The following ARHGAP20 variants were observed in gnomAD, a reference collection of about 807,000 sequenced individuals.
ARHGAP20 encodes rho GTPase-activating protein 20.
ARHGAP20 carries 34 observed loss-of-function variants against 73.7 expected under a neutral mutation model. That is an observed-to-expected ratio of 0.46 (90% CI 0.35 to 0.61). The LOEUF (loss-of-function observed/expected upper bound fraction) is 0.61, where lower values mean the gene tolerates loss of function less well. Among genes scored for constraint, ARHGAP20 ranks in the 20% least tolerant of loss-of-function variants. The probability of loss-of-function intolerance (pLI) is 0.00; values close to 1 mark genes in which losing one functional copy is unlikely to be tolerated. For missense variants in ARHGAP20, 1,314 were observed against 1,420.9 expected, an observed-to-expected ratio of 0.92 and a Z score of 1.21; for synonymous variants, 523 against 518.2, an observed-to-expected ratio of 1.01 and a Z score of -0.13.
intron 2 of ARHGAP20, among the ~76,000 whole-genome samples, chr11:110,654,711 AG>A (rs1267065145): frequency 6.6e-6 from 1 of 152,194 alleles, no homozygotes; most frequent in Non-Finnish European, 1.5e-5. Context: ...CCAGACTGTG[AG>A]AAGTTTATTG....
At chr11:110,588,558 AC>A (rs1399312666) in intron 11 of ARHGAP20, among the ~76,000 whole-genome samples, 1 of 152,216 alleles carries the variant, frequency 6.6e-6, no homozygotes, top group Non-Finnish European at 1.5e-5. Flanking sequence ...AGGGGGTAAA[AC>A]ATACGATAAA....
At chr11:110,616,995 C>T (rs1398293436) in intron 4 of ARHGAP20, among the ~76,000 whole-genome samples, 1 of 152,036 alleles carries the variant, frequency 6.6e-6, no homozygotes, top group Admixed American at 6.5e-5. Context: ...TTTTAACAAA[C>T]TGAACACAGT....
chr11:110,610,571 T>C (rs1215231964), intron 7 of ARHGAP20, among the ~76,000 whole-genome samples: 1 of 152,140 alleles, frequency 6.6e-6, no homozygotes, highest in Non-Finnish European at 1.5e-5. Flanking sequence ...TGTGTGGTGT[T>C]TATACAACTG....
At chr11:110,672,134 A>C (rs528576419) in intron 2 of ARHGAP20, among the ~76,000 whole-genome samples, 5 of 152,314 alleles carry the variant, frequency 3.3e-5, no homozygotes, top group East Asian at 3.9e-4. Context: ...AAAATCAATA[A>C]GCTTTACAGC....
rs2134760634 is a variant in ARHGAP20, at chr11:110,577,162, C to A, written c.*2208G>T. 6.5e-7 allele frequency: 1 copy of A among 1,533,876 alleles called. No homozygotes were observed. On this transcript the variant is annotated 3_prime_UTR_variant, in exon 15 of 15. Transcript: ENST00000683387. ...AAGTTAGCAGCAGTTTCTGCAAGTA[C>A]AAAAATACACATTTATTACATAACA... is the stretch of plus-strand genomic sequence containing the variant.
At chr11:110,632,855 G>A (rs937337694) in intron 2 of ARHGAP20, among the ~76,000 whole-genome samples, 1 of 152,122 alleles carries the variant, frequency 6.6e-6, no homozygotes, top group Non-Finnish European at 1.5e-5. Flanking sequence ...TTGAGTTGTA[G>A]GAACTTTTTC....
intron 2 of ARHGAP20, among the ~76,000 whole-genome samples, chr11:110,683,978 G>T (rs533560008): frequency 1.3e-5 from 2 of 152,126 alleles, no homozygotes; most frequent in Non-Finnish European, 2.9e-5. Flanking sequence ...TGCCCCTTCC[G>T]TCATGTGAGG....
chr11:110,672,602 A>C (rs1213361495), intron 2 of ARHGAP20, among the ~76,000 whole-genome samples: 1 of 151,868 alleles, frequency 6.6e-6, no homozygotes, highest in Non-Finnish European at 1.5e-5. Context: ...GCACCACCAC[A>C]CTTGGCTAAT....
chr11:110,587,780 T>G (rs1316150779), intron 11 of ARHGAP20, among the ~76,000 whole-genome samples: 1 of 152,172 alleles, frequency 6.6e-6, no homozygotes, highest in African/African-American at 2.4e-5. Flanking sequence ...TTTTAGAATG[T>G]TTAACAAGAA....
Position 110,709,137 on chromosome 11 carries a change from C to T in ARHGAP20, c.105+2990G>A, listed in dbSNP as rs1030057822. 1.6e-4 allele frequency among the ~76,000 whole-genome samples: 25 copies of T among 152,174 alleles called. 1 individual carries two copies. Among genetic ancestry groups the T allele is most frequent in the African/African-American group, 5.5e-4 (23 of 41,444 alleles). On this transcript the variant is annotated intron_variant, in intron 1 of 14. Transcript: ENST00000683387. Reference sequence around the variant, plus strand: ...ACAACACAGCTATGCCCATTCATTTCTTCATTGTCTATGGCTGCTTTAGCA... The same window carrying T: ...ACAACACAGCTATGCCCATTCATTTTTTCATTGTCTATGGCTGCTTTAGCA...
chr11:110,664,727 CAAAAAA>C (rs34643863), intron 2 of ARHGAP20, among the ~76,000 whole-genome samples: 1 of 88,338 alleles, frequency 1.1e-5, no homozygotes, highest in African/African-American at 3.8e-5. Flanking sequence ...GACTCCGTCT[CAAAAAA>C]AAAAAAAAAA....
rs764154014 is a variant in ARHGAP20, at chr11:110,590,825, G to A, written c.1144-16C>T. ...AAAGCATATCCTATGGGGAAGCAAA[G>A]GAAAATAAACAAAATGACACTTCCA... On this transcript the variant is annotated splice_polypyrimidine_tract_variant and intron_variant, in intron 10 of 14. Transcript: ENST00000683387. 2.5e-6 allele frequency: 4 copies of A among 1,606,936 alleles called. No homozygotes were observed. The highest frequency in any genetic ancestry group is 1.7e-6 in the Non-Finnish European group (2 of 1,177,386).
rs761054190 is a variant in ARHGAP20 at position 110,586,279 on chromosome 11, T to C, written c.1352A>G (p.Tyr451Cys). ...IPGSIFSSDL[Y>C]DHWVSVMDQG... ...ATCCATTACAGAGACCCAGTGATCA[T>C]AGAGATCTGATGAAAAAATACTTCC... The change falls in exon 12 of 15, where the codon TAT (tyrosine) becomes TGT (cysteine). Residue 451 changes from tyrosine to cysteine, a missense_variant. Transcript: ENST00000683387. The C allele has an allele frequency of 1.1e-5, 18 of 1,579,660 alleles. No homozygotes were observed. Among genetic ancestry groups the C allele is most frequent in the Non-Finnish European group, 1.4e-5 (16 of 1,162,494 alleles).
chr11:110,624,007 C>G (rs1207002086), intron 4 of ARHGAP20, among the ~76,000 whole-genome samples, 155 bp downstream of exon 4: 1 of 152,138 alleles, frequency 6.6e-6, no homozygotes, highest in Non-Finnish European at 1.5e-5. Context: ...GTGTATGTGT[C>G]AACAGATGAG....
chr11:110,611,258 T>G, intron 7 of ARHGAP20, 51 bp downstream of exon 7: 1 of 1,221,744 alleles, frequency 8.2e-7, no homozygotes, highest in South Asian at 1.4e-5. Flanking sequence ...TACATAAATT[T>G]AAATAATCAA....
intron 4 of ARHGAP20, among the ~76,000 whole-genome samples, chr11:110,622,404 T>C (rs1948648728): frequency 1.3e-5 from 2 of 152,252 alleles, no homozygotes; most frequent in Non-Finnish European, 2.9e-5. Flanking sequence ...AGAGATTCCC[T>C]ACATAGTTCT....
At chr11:110,673,357 CT>C (rs1949866798) in intron 2 of ARHGAP20, among the ~76,000 whole-genome samples, 2 of 152,098 alleles carry the variant, frequency 1.3e-5, no homozygotes, top group South Asian at 4.1e-4. Flanking sequence ...CAATAACATA[CT>C]TTTAAAACAT....
intron 9 of ARHGAP20, among the ~76,000 whole-genome samples, chr11:110,597,676 C>T (rs1948004403): frequency 6.6e-6 from 1 of 152,150 alleles, no homozygotes; most frequent in Non-Finnish European, 1.5e-5. Flanking sequence ...GAACAATGCT[C>T]TGTCAAAAGT....
rs556328365 is a variant in ARHGAP20 at position 110,661,102 on chromosome 11, T to C, written c.188+29445A>G. On this transcript the variant is annotated intron_variant, in intron 2 of 14. Coordinates refer to ENST00000683387, the MANE Select transcript of ARHGAP20 (RefSeq NM_001384657.1). ...AAAGTTATTCCATCTGTTCAGTGTT[T>C]GCTGGGGGTTAAAAAATAAAAAGCT... Among the ~76,000 whole-genome samples the C allele has an allele frequency of 3.7e-3, 569 of 152,316 alleles. 2 individuals are homozygous for C. Among genetic ancestry groups the C allele is most frequent in the African/African-American group, 0.013 (536 of 41,584 alleles).
Sources: gnomAD v4.1 joint callset for allele counts (sites outside exome capture counted in the v4.1 genomes callset) on GRCh38, gnomAD v4.1.1 for gene constraint, MANE v1.5 for transcripts, NCBI Gene and HGNC (gene_info 2026-07-23, HGNC 2026-07-21) for gene names.